The following CDC5L variants were observed in gnomAD, a reference collection of about 807,000 sequenced individuals.
CDC5L encodes cell division cycle 5 like.
Under a neutral mutation model 104.1 loss-of-function variants are expected in CDC5L, and 18 were observed. The observed-to-expected ratio is 0.17, with a 90% confidence interval of 0.12 to 0.26. The LOEUF (loss-of-function observed/expected upper bound fraction) is 0.26, where lower values mean the gene tolerates loss of function less well. CDC5L is among the 10% of genes least tolerant of loss of function. The probability of loss-of-function intolerance (pLI) is 1.00; values close to 1 mark genes in which losing one functional copy is unlikely to be tolerated. For missense variants in CDC5L, 673 were observed against 956.9 expected, an observed-to-expected ratio of 0.70 and a Z score of 3.91; for synonymous variants, 331 against 322.7, an observed-to-expected ratio of 1.03 and a Z score of -0.28.
chr6:44,440,143 T>G (rs1793113520), intron 14 of CDC5L, among the ~76,000 whole-genome samples: 1 of 152,158 alleles, frequency 6.6e-6, no homozygotes, highest in South Asian at 2.1e-4. Flanking sequence ...TTAAAGGAGC[T>G]TCTTCATTTA....
intron 8 of CDC5L, among the ~76,000 whole-genome samples, chr6:44,413,693 C>T (rs1351748001): frequency 6.6e-6 from 1 of 152,068 alleles, no homozygotes; most frequent in African/African-American, 2.4e-5. Flanking sequence ...AAGTGATCCT[C>T]CCAACTTGGC....
intron 8 of CDC5L, among the ~76,000 whole-genome samples, chr6:44,418,286 G>A (rs1791994763): frequency 6.6e-6 from 1 of 152,014 alleles, no homozygotes. Flanking sequence ...TGAGAATGAT[G>A]GTTTCCAATT....
intron 7 of CDC5L, among the ~76,000 whole-genome samples, chr6:44,406,824 A>G (rs1212236906): frequency 6.6e-6 from 1 of 152,164 alleles, no homozygotes; most frequent in Non-Finnish European, 1.5e-5. Flanking sequence ...GAGGCAGGAG[A>G]ATCACTGGAA....
chr6:44,409,057 G>A (rs1791512266), intron 8 of CDC5L, among the ~76,000 whole-genome samples: 2 of 152,178 alleles, frequency 1.3e-5, no homozygotes, highest in African/African-American at 4.8e-5. Flanking sequence ...TGTTCCCAGG[G>A]TGTCTGTATA....
At chr6:44,405,891 C>CT (rs565988002) in intron 6 of CDC5L, among the ~76,000 whole-genome samples, 1 of 150,624 alleles carries the variant, frequency 6.6e-6, no homozygotes, top group Non-Finnish European at 1.5e-5. Flanking sequence ...TTGTTTTTAC[C>CT]TTTTTTTAGC....
chr6:44,393,136 A>G (rs1790692920), intron 3 of CDC5L, among the ~76,000 whole-genome samples: 1 of 145,094 alleles, frequency 6.9e-6, no homozygotes, highest in East Asian at 2.0e-4. Context: ...AGAATTAACT[A>G]CTGGAACATT....
chr6:44,410,219 C>T (rs1445106052), intron 8 of CDC5L, among the ~76,000 whole-genome samples: 1 of 152,134 alleles, frequency 6.6e-6, no homozygotes, highest in African/African-American at 2.4e-5. Flanking sequence ...AGATATCTCC[C>T]TGGTTCCCTC....
intron 2 of CDC5L, among the ~76,000 whole-genome samples, chr6:44,391,753 A>G (rs1790632834): frequency 2.0e-5 from 3 of 151,746 alleles, no homozygotes; most frequent in African/African-American, 7.3e-5. Context: ...CACATCTGTA[A>G]GCCTAGCACT....
At chr6:44,420,922 G>A (rs931756267) in intron 9 of CDC5L, among the ~76,000 whole-genome samples, 2 of 152,082 alleles carry the variant, frequency 1.3e-5, no homozygotes, top group Non-Finnish European at 2.9e-5. Context: ...AACAGTTTGC[G>A]TAGACTCCTC....
intron 4 of CDC5L, 86 bp from the exon 5 acceptor site, chr6:44,396,255 G>A (rs1790865317): frequency 1.4e-6 from 1 of 723,674 alleles, no homozygotes. Context: ...CTCATTTTGA[G>A]CAATAGAGTG....
intron 9 of CDC5L, 54 bp from the exon 10 acceptor site, chr6:44,422,593 G>A: frequency 1.8e-6 from 2 of 1,093,642 alleles, no homozygotes; most frequent in Non-Finnish European, 2.6e-6. Flanking sequence ...ACATTTGAAA[G>A]CACAATCCAA....
intron 5 of CDC5L, among the ~76,000 whole-genome samples, chr6:44,398,238 T>C (rs1554158332): frequency 6.6e-6 from 1 of 152,148 alleles, no homozygotes; most frequent in Non-Finnish European, 1.5e-5. Context: ...TGGCCACCTC[T>C]CTATTCTGTA....
chr6:44,392,814 C>G lies in CDC5L; in HGVS notation c.297C>G (p.His99Gln). 1 of 1,613,278 alleles carries G rather than the reference C, an allele frequency of 6.2e-7. No individual in the cohort carries two copies. Among genetic ancestry groups the G allele is most frequent in the Non-Finnish European group, 8.5e-7 (1 of 1,179,442 alleles). Residue 99 changes from histidine (H) to glutamine (Q), a missense_variant, in exon 3 of 16, where the codon CAC (histidine) becomes CAG (glutamine). By Grantham distance (24) the His-to-Gln change is conservative (BLOSUM62 0). Coordinates refer to ENST00000371477, the MANE Select transcript of CDC5L (RefSeq NM_001253.4). Reference sequence around the variant, plus strand: ...GAACAGCGGCCCAGTGCTTAGAACACTATGAATTTCTTCTGTAAGTGAGTC... The same window carrying G: ...GAACAGCGGCCCAGTGCTTAGAACAGTATGAATTTCTTCTGTAAGTGAGTC... ...IGRTAAQCLE[H>Q]YEFLLDKAAQ...
At chr6:44,404,073 G>T (rs772535716) in intron 6 of CDC5L, 46 bp downstream of exon 6, 9 of 1,385,378 alleles carry the variant, frequency 6.5e-6, no homozygotes, top group Non-Finnish European at 9.1e-6. Context: ...ATAGTAGGAG[G>T]AGTCTTACGA....
chr6:44,447,376 T>A lies in CDC5L; in HGVS notation c.*665T>A, dbSNP rs1028014023. The A allele has an allele frequency of 6.6e-6, 1 of 152,198 alleles. No individual in the cohort carries two copies. The highest frequency in any genetic ancestry group is 1.5e-5 in the Non-Finnish European group (1 of 68,030). 9.4% of individuals were successfully genotyped at this position (152,198 alleles called of 1,614,324 possible). ...TAACTTCCTTGCCCCATTATTTTCT[T>A]ATAAGTATTTTTTGACAAAGGCATT... is the stretch of plus-strand genomic sequence containing the variant. On this transcript the variant is annotated 3_prime_UTR_variant, in exon 16 of 16. Transcript: ENST00000371477.
Position 44,447,423 on chromosome 6 carries a change from G to A in CDC5L, c.*712G>A, listed in dbSNP as rs923311192. On this transcript the variant is annotated 3_prime_UTR_variant, in exon 16 of 16. Transcript: ENST00000371477. Reference sequence around the variant, plus strand: ...CATTTTAAAAGTTAATTTCAAGAAGGCCATCAAACTTAAAGCTCTATGTTT... The same window carrying A: ...CATTTTAAAAGTTAATTTCAAGAAGACCATCAAACTTAAAGCTCTATGTTT... 6.6e-6 allele frequency: 1 copy of A among 152,140 alleles called. No individual in the cohort carries two copies. Among genetic ancestry groups the A allele is most frequent in the Admixed American group, 6.5e-5 (1 of 15,270 alleles). 9.4% of individuals were successfully genotyped at this position (152,140 alleles called of 1,614,324 possible). A position where few individuals can be genotyped will look rare whatever the true frequency, so the allele number is the denominator to read the frequency against.
In CDC5L at chr6:44,422,652, C is replaced by A; in HGVS notation, c.1247C>A (p.Pro416His). The A allele has an allele frequency of 6.2e-7, 1 of 1,602,762 alleles. No individual in the cohort carries two copies. The highest frequency in any genetic ancestry group is 8.5e-7 in the Non-Finnish European group (1 of 1,174,946). Residue 416 changes from proline (P) to histidine (H), a missense_variant, in exon 10 of 16, where the codon CCT becomes CAT. This residue lies in a region of CDC5L where 578 missense variants were observed against 737.0 expected (regional missense o/e 0.78). Transcript: ENST00000371477. ...TGGGATTCCTGTCTTTCTAGGACTCCTTCTAATGGAGCTGAAGGGCTGACT... is the reference window on the plus strand; with the variant it reads ...TGGGATTCCTGTCTTTCTAGGACTCATTCTAATGGAGCTGAAGGGCTGACT... ...NTVLSTPFRT[P>H]SNGAEGLTPR...
At chr6:44,393,641 T>C (rs1790722941) in intron 4 of CDC5L, 68 bp downstream of exon 4, 1 of 1,491,488 alleles carries the variant, frequency 6.7e-7, no homozygotes, top group African/African-American at 1.4e-5. Context: ...ACTCTTTTAG[T>C]TCCTTTCTGA....
chr6:44,420,208 C>T (rs11571987), intron 9 of CDC5L, among the ~76,000 whole-genome samples: 3,312 of 152,118 alleles, frequency 0.022, 71 homozygotes, highest in South Asian at 0.095. Context: ...AACCCTCATG[C>T]GCGTATGCCT....
Sources: allele counts gnomAD v4.1 joint callset (sites outside exome capture counted in the v4.1 genomes callset), GRCh38; gene constraint gnomAD v4.1.1; regional missense constraint gnomAD v4.1.1; transcripts MANE v1.5; gene names NCBI Gene and HGNC (gene_info 2026-07-23, HGNC 2026-07-21).